Variants in CCT2 observed in about 807,000 individuals in gnomAD.
The protein encoded by CCT2 is chaperonin containing TCP1 subunit 2, also known as T-complex protein 1 subunit beta.
CCT2 carries 18 observed loss-of-function variants against 61.8 expected under a neutral mutation model. The ratio of observed to expected loss-of-function variants is 0.29; its 90% CI spans 0.20 to 0.43. The LOEUF is 0.43. CCT2 is among the 20% of genes least tolerant of loss of function. The pLI, the probability that CCT2 is intolerant of heterozygous loss-of-function variation, is 1.00. For synonymous variants in CCT2, 248 were observed against 215.9 expected (o/e 1.15, Z -1.30); for missense variants, 556 against 656.9 (o/e 0.85, Z 1.68).
Position 69,593,115 on chromosome 12 carries a change from C to A in CCT2, c.878+12C>A. Reference sequence around the variant, plus strand: ...TGCTTTATTAACAGGTCTGTGTTTGCTTTTAAGAAAGGATTTTTTTCCATG... The same window carrying A: ...TGCTTTATTAACAGGTCTGTGTTTGATTTTAAGAAAGGATTTTTTTCCATG... On this transcript the variant is annotated intron_variant, in intron 9 of 15. Transcript: ENST00000299300. 6.3e-7 allele frequency: 1 copy of A among 1,599,798 alleles called. No individual in the cohort carries two copies. The highest frequency in any genetic ancestry group is 8.5e-7 in the Non-Finnish European group (1 of 1,174,080).
intron 1 of CCT2, 182 bp downstream of exon 1, chr12:69,585,706 G>C: frequency 6.7e-7 from 1 of 1,484,802 alleles, no homozygotes; most frequent in Middle Eastern, 2.0e-4. Flanking sequence ...AGCTCACCAC[G>C]AGGGGGAGGG....
At position 69,598,685 on chromosome 12, in the gene CCT2, A is replaced by G. The variant is rs710764; in HGVS notation, c.1435+264A>G. Among the ~76,000 whole-genome samples the G allele has an allele frequency of 0.4, 60,086 of 152,076 alleles. 12,508 individuals are homozygous for G. The highest frequency in any genetic ancestry group is 0.52 in the African/African-American group (21,401 of 41,482). On this transcript the variant is annotated intron_variant, in intron 14 of 15. Coordinates refer to ENST00000299300, the MANE Select transcript of CCT2 (RefSeq NM_006431.3). ...TATATAACGACTATAGGATTTAAAT[A>G]TAAACAATACTTACATTCTGAAAAA...
Position 69,586,769 on chromosome 12 carries a change from C to T in CCT2, c.95C>T (p.Ala32Val), listed in dbSNP as rs200143097. Residue 32 changes from alanine to valine, a missense_variant, in exon 3 of 16, where the codon GCC becomes GTC. By Grantham distance (64) the Ala-to-Val change is moderately conservative (BLOSUM62 0). This residue lies in a region of CCT2 where 308 missense variants were observed against 350.6 expected (regional missense o/e 0.88). Transcript: ENST00000299300. ...TTACTCCAGACTTCTTTTATTGGTG[C>T]CATCGCCATTGGAGACTTGGTAAAG... ...ETARLTSFIGAIAIGDLVKST... is the reference protein window; with the variant it reads ...ETARLTSFIGVIAIGDLVKST... 4 of 1,599,968 alleles carry T rather than the reference C, an allele frequency of 2.5e-6. No homozygotes were observed. In the Admixed American group the frequency reaches 7.0e-5, roughly 28 times the overall value.
chr12:69,590,715 A>G (rs1358933056), intron 7 of CCT2, among the ~76,000 whole-genome samples: 1 of 109,940 alleles, frequency 9.1e-6, no homozygotes, highest in African/African-American at 3.7e-5. Flanking sequence ...GCTGTGTAGC[A>G]TTTCTTTTTT....
chr12:69,601,175 C>CATTGCAAA, intron 15 of CCT2, 120 bp from the exon 16 acceptor site: 1 of 795,950 alleles, frequency 1.3e-6, no homozygotes, highest in Non-Finnish European at 2.0e-6. Flanking sequence ...CACATGCAAA[C>CATTGCAAA]CATTGCAGAG....
At chr12:69,587,909 A>G (rs1277979454) in intron 4 of CCT2, 21 bp from the exon 5 acceptor site, 2 of 1,576,432 alleles carry the variant, frequency 1.3e-6, no homozygotes, top group African/African-American at 1.3e-5. Flanking sequence ...TTTTGAGTTA[A>G]TAACTAATTT....
Position 69,601,403 on chromosome 12 carries a change from G to A in CCT2, c.*78G>A, listed in dbSNP as rs906621409. On this transcript the variant is annotated 3_prime_UTR_variant, in exon 16 of 16. Coordinates refer to ENST00000299300, the MANE Select transcript of CCT2 (RefSeq NM_006431.3). ...GAAAGATACTCTATTAAAGAAGACT[G>A]TGGAATCTGTTTATCGGTGCCCATT... The A allele has an allele frequency of 6.2e-7, 1 of 1,613,158 alleles. No individual in the cohort carries two copies. The highest frequency in any genetic ancestry group is 8.5e-7 in the Non-Finnish European group (1 of 1,179,674).
In CCT2 at chr12:69,586,250, C is replaced by T. The variant is rs1407616646; in HGVS notation, c.4-20C>T. 5.0e-6 allele frequency: 8 copies of T among 1,590,842 alleles called. No individual in the cohort carries two copies. Among genetic ancestry groups the T allele is most frequent in the Non-Finnish European group, 6.9e-6 (8 of 1,158,822 alleles). ...GAGTATTGGTACTTAAACGGAATGC[C>T]TCTTGGTTTTCCTTTTCAGGCGTCC... is the stretch of plus-strand genomic sequence containing the variant. On this transcript the variant is annotated intron_variant, in intron 1 of 15. Coordinates refer to ENST00000299300, the MANE Select transcript of CCT2 (RefSeq NM_006431.3).
At chr12:69,599,553 A>G (rs1297536287) in intron 14 of CCT2, among the ~76,000 whole-genome samples, 2 of 151,674 alleles carry the variant, frequency 1.3e-5, no homozygotes, top group Non-Finnish European at 2.9e-5. Context: ...ATGCCCGGCT[A>G]ATTTTTTATA....
chr12:69,597,589 G>A, intron 11 of CCT2, 49 bp from the exon 12 acceptor site: 4 of 1,592,958 alleles, frequency 2.5e-6, no homozygotes, highest in Non-Finnish European at 2.6e-6. Context: ...ATAAATAATA[G>A]AAGGCAAACT....
chr12:69,598,237 A>G, intron 13 of CCT2, 85 bp from the exon 14 acceptor site: 2 of 1,110,192 alleles, frequency 1.8e-6, no homozygotes, highest in Non-Finnish European at 2.6e-6. Flanking sequence ...CTAAATGTAT[A>G]ATTTTAAAAA....
At chr12:69,585,640 C>G (rs889909101) in intron 1 of CCT2, 116 bp downstream of exon 1, 1 of 1,543,576 alleles carries the variant, frequency 6.5e-7, no homozygotes. Context: ...CCCGGCCCTC[C>G]GCACATGGTG....
intron 12 of CCT2, 60 bp from the exon 13 acceptor site, chr12:69,597,908 A>C: frequency 1.4e-6 from 2 of 1,466,310 alleles, no homozygotes; most frequent in African/African-American, 1.4e-5. Context: ...TAAAGTCAGT[A>C]ATTCAGTATC....
At chr12:69,598,605 A>G (rs1472166610) in intron 14 of CCT2, among the ~76,000 whole-genome samples, 184 bp downstream of exon 14, 1 of 152,220 alleles carries the variant, frequency 6.6e-6, no homozygotes, top group Non-Finnish European at 1.5e-5. Context: ...CATTTCCCAA[A>G]CTTTGTTATT....
chr12:69,600,106 G>T, intron 15 of CCT2, 102 bp downstream of exon 15: 1 of 1,124,274 alleles, frequency 8.9e-7, no homozygotes, highest in Non-Finnish European at 1.2e-6. Flanking sequence ...AGACAGTTTT[G>T]CCTGGATAAA....
In CCT2 at chr12:69,597,752, C is replaced by T. The variant is rs1882033284; in HGVS notation, c.1217C>T (p.Thr406Ile). ...GCGCAAACTGTAAAGGACTCTAGAA[C>T]AGTTTATGGAGGAGGTAAGCATTTA... ...VLAQTVKDSR[T>I]VYGGGCSEML... The change falls in exon 12 of 16, where the codon ACA becomes ATA. Residue 406 changes from threonine to isoleucine, a missense_variant. Transcript: ENST00000299300. The T allele has an allele frequency of 6.2e-7, 1 of 1,612,306 alleles. No homozygotes were observed. The highest frequency in any genetic ancestry group is 1.1e-5 in the South Asian group (1 of 90,830).
chr12:69,597,978 G>A lies in CCT2; in HGVS notation c.1242G>A (p.Glu414=), dbSNP rs750619726. The part of the protein sequence containing the change: ...SRTVYGGGCS[E]MLMAHAVTQL... ...AATTTTAATCTTTAGGCTGTTCTGAGATGTTGATGGCTCATGCTGTGACAC... is the reference window on the plus strand; with the variant it reads ...AATTTTAATCTTTAGGCTGTTCTGAAATGTTGATGGCTCATGCTGTGACAC... Residue 414 remains glutamate, a synonymous_variant, in exon 13 of 16, where the codon GAG becomes GAA. Transcript: ENST00000299300. The A allele has an allele frequency of 6.2e-7, 1 of 1,613,428 alleles. No homozygotes were observed. Among genetic ancestry groups the A allele is most frequent in the Non-Finnish European group, 8.5e-7 (1 of 1,179,522 alleles).
At chr12:69,592,192 A>G (rs780122753) in intron 8 of CCT2, 33 bp downstream of exon 8, 24 of 1,275,788 alleles carry the variant, frequency 1.9e-5, no homozygotes, top group Non-Finnish European at 2.4e-5. Context: ...AATTAAAATT[A>G]CTGCCCAGGC....
In CCT2 at chr12:69,587,742, C is replaced by G. The variant is rs1344495911; in HGVS notation, c.256+126C>G. The G allele has an allele frequency of 1.2e-5, 9 of 742,454 alleles. No homozygotes were observed. In the East Asian group the frequency reaches 2.4e-4, roughly 20 times the overall value. The allele number at this position is 742,454 out of a possible 1,614,324, so 46.0% of individuals were successfully genotyped here. On this transcript the variant is annotated intron_variant, in intron 4 of 15. Coordinates refer to ENST00000299300, the MANE Select transcript of CCT2 (RefSeq NM_006431.3). Reference sequence around the variant, plus strand: ...TTGATGTCCACTAGTTGTTAATTATCGTTGTTAAAATACAAGCTTCAGGAG... The same window carrying G: ...TTGATGTCCACTAGTTGTTAATTATGGTTGTTAAAATACAAGCTTCAGGAG...
Sources: gnomAD v4.1 joint callset for allele counts (sites outside exome capture counted in the v4.1 genomes callset) on GRCh38, gnomAD v4.1.1 for gene constraint, gnomAD v4.1.1 regional missense constraint, MANE v1.5 for transcripts, NCBI Gene and HGNC (gene_info 2026-07-23, HGNC 2026-07-21) for gene names.